AHRR: variants seen among roughly 807,000 people sequenced by gnomAD.
AHRR encodes the protein aryl hydrocarbon receptor repressor, also known as ahR repressor.
Under a neutral mutation model 44.0 loss-of-function variants are expected in AHRR, and 28 were observed. The observed-to-expected ratio is 0.64, with a 90% CI of 0.47 to 0.87. The LOEUF (loss-of-function observed/expected upper bound fraction) is 0.87. AHRR is among the 40% of genes least tolerant of loss of function. AHRR has a pLI of 0.00. For synonymous variants in AHRR, 434 were observed against 407.0 expected (o/e 1.07, Z -0.80); for missense variants, 990 against 953.9 (o/e 1.04, Z -0.50).
chr5:413,544 T>C (rs1188356452), intron 5 of AHRR, 111 bp downstream of exon 5: 6 of 794,650 alleles, frequency 7.6e-6, no homozygotes, highest in African/African-American at 1.8e-5. Context: ...GCTTTTCCTA[T>C]CACTGAGCTC....
At chr5:378,642 G>A (rs566793933) in intron 4 of AHRR, among the ~76,000 whole-genome samples, 2 of 152,362 alleles carry the variant, frequency 1.3e-5, no homozygotes, top group African/African-American at 4.8e-5. Flanking sequence ...GGAGGATGGA[G>A]GAGTGGGGAG....
At chr5:331,612 G>C (rs539016293) in intron 1 of AHRR, among the ~76,000 whole-genome samples, 1 of 152,156 alleles carries the variant, frequency 6.6e-6, no homozygotes, top group East Asian at 1.9e-4. Context: ...TATAAACCAG[G>C]GGTCCTCAAC....
chr5:421,277 G>C (rs1041077119), intron 5 of AHRR: 29 of 698,816 alleles, frequency 4.1e-5, no homozygotes, highest in Non-Finnish European at 6.3e-5. Context: ...TGCAGGCACG[G>C]AACGGGCGAG....
At chr5:431,615 TGGCCCCCAGCAGC>T (rs1736735440) in intron 8 of AHRR, among the ~76,000 whole-genome samples, 1 of 147,174 alleles carries the variant, frequency 6.8e-6, no homozygotes, top group Non-Finnish European at 1.5e-5. Flanking sequence ...GCAGCCCCCA[TGGCCCCCAGCAGC>T]GGCCCCTAGC....
At chr5:424,219 G>A (rs56305206) in intron 7 of AHRR, among the ~76,000 whole-genome samples, 17,401 of 115,120 alleles carry the variant, frequency 0.15, 532 homozygotes, top group Non-Finnish European at 0.25. Flanking sequence ...TGGTGTGGGG[G>A]TGTTAACCCA....
chr5:427,803 C>A lies in AHRR; in HGVS notation c.709-4C>A, dbSNP rs539340416. 1.4e-4 allele frequency: 231 copies of A among 1,614,078 alleles called. 1 individual carries two copies. In the South Asian group the frequency reaches 2.5e-3, roughly 17 times the overall value. ...CGCCTTCCTCTCTGTCTTTAAAACA[C>A]CAGACGATGCAGTTTCAAGGAAAAC... is the stretch of plus-strand genomic sequence containing the variant. On this transcript the variant is annotated splice_polypyrimidine_tract_variant and splice_region_variant and intron_variant, in intron 7 of 10. Coordinates refer to ENST00000684583, the MANE Select transcript of AHRR (RefSeq NM_001377236.1).
intron 4 of AHRR, among the ~76,000 whole-genome samples, chr5:382,963 G>A (rs1486153564): frequency 2.0e-5 from 3 of 151,900 alleles, no homozygotes; most frequent in Non-Finnish European, 2.9e-5. Context: ...GGTATGCTCC[G>A]TTTTCATTTT....
chr5:381,705 G>A (rs1350874810), intron 4 of AHRR, among the ~76,000 whole-genome samples: 3 of 151,700 alleles, frequency 2.0e-5, no homozygotes, highest in African/African-American at 4.8e-5. Flanking sequence ...TAGTAGAGAC[G>A]GGGTTTCACC....
At position 422,841 on chromosome 5, in the gene AHRR, C is replaced by G. The variant is rs896730658; in HGVS notation, c.554C>G (p.Pro185Arg). 1 of 1,612,508 alleles carries G rather than the reference C, an allele frequency of 6.2e-7. No homozygotes were observed. The highest frequency in any genetic ancestry group is 8.5e-7 in the Non-Finnish European group (1 of 1,178,944). ...CCTCCCCAGGTGGTGTTTGGGCAGC[C>G]CCCGCCCTTGGAGACAGGTGGGTGT... The part of the protein sequence containing the change: ...MDPPQVVFGQ[P>R]PPLETGDDAI... The change falls in exon 6 of 11, where the codon CCC (proline) becomes CGC (arginine). Residue 185 changes from proline (P) to arginine (R), a missense_variant. Coordinates refer to ENST00000684583, the MANE Select transcript of AHRR (RefSeq NM_001377236.1).
chr5:376,518 T>G (rs1159107993), intron 3 of AHRR, 92 bp from the exon 4 acceptor site: 87 of 1,363,830 alleles, frequency 6.4e-5, no homozygotes, highest in South Asian at 2.7e-4. Flanking sequence ...AACCGTGGGG[T>G]GAACGCGGGG....
At chr5:392,733 G>A (rs985441097) in intron 4 of AHRR, among the ~76,000 whole-genome samples, 5 of 152,136 alleles carry the variant, frequency 3.3e-5, no homozygotes, top group African/African-American at 1.2e-4. Flanking sequence ...TGCATGCTGT[G>A]TGACTCTTCA....
intron 5 of AHRR, among the ~76,000 whole-genome samples, chr5:414,156 G>A (rs562581104): frequency 2.0e-5 from 3 of 152,270 alleles, no homozygotes; most frequent in African/African-American, 7.2e-5. Flanking sequence ...CCAGCTACTA[G>A]GGAGGCTGAG....
At position 427,641 on chromosome 5, in the gene AHRR, G is replaced by A. The variant is rs774728565; in HGVS notation, c.709-166G>A. 2.4e-5 allele frequency: 38 copies of A among 1,613,116 alleles called. No homozygotes were observed. Among genetic ancestry groups the A allele is most frequent in the Admixed American group, 8.3e-5 (5 of 60,006 alleles). On this transcript the variant is annotated intron_variant, in intron 7 of 10. Coordinates refer to ENST00000684583, the MANE Select transcript of AHRR (RefSeq NM_001377236.1). ...GCACATCGAATCACTCTGCAGGCCC[G>A]GGGGTCACAGGCTTGGCAGCTGCGG...
chr5:340,686 A>ATTTTTTT (rs1460511792), intron 1 of AHRR, among the ~76,000 whole-genome samples: 9 of 19,504 alleles, frequency 4.6e-4, no homozygotes, highest in African/African-American at 6.8e-4. Context: ...ATATATATAT[A>ATTTTTTT]TATTTTTTTT....
At chr5:354,793 C>T (rs982028967) in intron 3 of AHRR, among the ~76,000 whole-genome samples, 3 of 152,154 alleles carry the variant, frequency 2.0e-5, no homozygotes, top group Admixed American at 6.5e-5. Flanking sequence ...CTCCCCTGGG[C>T]GGGGGGCGTC....
intron 4 of AHRR, among the ~76,000 whole-genome samples, chr5:407,364 A>G (rs1198714526): frequency 2.0e-5 from 3 of 152,254 alleles, no homozygotes; most frequent in Admixed American, 1.3e-4. Flanking sequence ...AGTTTTCTTC[A>G]TATAGGTTTT....
rs1415956018 is a variant in AHRR, at chr5:353,832, T to C, written c.165T>C (p.Pro55=). The stretch of plus-strand genomic sequence containing the variant: ...TGGCCAGCCTGCTGCCGTTCCCGCC[T>C]GACATCATCTCCAAGCTGGACAAGC... ...DHLASLLPFP[P]DIISKLDKLS... is the part of the protein sequence containing the mutation. The change falls in exon 3 of 11, where the codon CCT becomes CCC. Residue 55 remains proline (P), a synonymous_variant. Coordinates refer to ENST00000684583, the MANE Select transcript of AHRR (RefSeq NM_001377236.1). 1.9e-6 allele frequency: 3 copies of C among 1,613,992 alleles called. No individual in the cohort carries two copies. The Admixed American group carries it at 5.0e-5, about 27-fold the overall frequency.
At chr5:376,770 G>T in intron 4 of AHRR, 54 bp downstream of exon 4, 2 of 1,455,166 alleles carry the variant, frequency 1.4e-6, no homozygotes, top group Non-Finnish European at 1.9e-6. Flanking sequence ...TCCGTGTCAC[G>T]CGTGTTCAGG....
chr5:394,719 C>T (rs1483330631), intron 4 of AHRR, among the ~76,000 whole-genome samples: 2 of 152,214 alleles, frequency 1.3e-5, no homozygotes, highest in South Asian at 2.1e-4. Flanking sequence ...CTCTGGTCCC[C>T]GTGTGCGCTG....
Sources: gnomAD v4.1 joint callset for allele counts (sites outside exome capture counted in the v4.1 genomes callset) on GRCh38, gnomAD v4.1.1 for gene constraint, MANE v1.5 for transcripts, NCBI Gene and HGNC (gene_info 2026-07-23, HGNC 2026-07-21) for gene names.